DAB1: variants seen among roughly 807,000 people sequenced by gnomAD.
DAB1 encodes the protein disabled homolog 1.
Under a neutral mutation model 64.6 loss-of-function variants are expected in DAB1, and 15 were observed. The ratio of observed to expected loss-of-function variants is 0.23; its 90% confidence interval spans 0.16 to 0.36. The LOEUF (loss-of-function observed/expected upper bound fraction) is 0.36, where lower values mean the gene tolerates loss of function less well. DAB1 is among the 10% of genes least tolerant of loss of function. The pLI, the probability that DAB1 is intolerant of heterozygous loss-of-function variation, is 1.00. For missense variants in DAB1, 596 were observed against 706.7 expected (o/e 0.84, Z 1.78); for synonymous variants, 235 against 251.9 (o/e 0.93, Z 0.64).
intron 7 of DAB1, among the ~76,000 whole-genome samples, chr1:57,552,907 C>T (rs987674849): frequency 6.6e-6 from 1 of 152,056 alleles, no homozygotes; most frequent in Non-Finnish European, 1.5e-5. Context: ...GAAGACATTA[C>T]ATTATTGATG....
chr1:57,844,353 C>T (rs1653185026), intron 1 of DAB1, among the ~76,000 whole-genome samples: 2 of 152,156 alleles, frequency 1.3e-5, no homozygotes, highest in African/African-American at 4.8e-5. Context: ...AACCTATATG[C>T]ATGAATGAAT....
At chr1:57,147,538 T>C (rs1569585907) in intron 2 of DAB1, among the ~76,000 whole-genome samples, 2 of 152,174 alleles carry the variant, frequency 1.3e-5, no homozygotes, top group Non-Finnish European at 1.5e-5. Context: ...AGTCAGAAAC[T>C]ATAATCCGTA....
At chr1:58,538,851 A>T (rs1361665682) in intron 1 of DAB1, 2 of 869,938 alleles carry the variant, frequency 2.3e-6, no homozygotes, top group Non-Finnish European at 4.0e-6. Flanking sequence ...TCAACAAGAG[A>T]GGAACCGGAG....
chr1:57,002,817 G>A (rs1645919603), intron 14 of DAB1, among the ~76,000 whole-genome samples: 1 of 152,176 alleles, frequency 6.6e-6, no homozygotes, highest in African/African-American at 2.4e-5. Flanking sequence ...GCAGCCCTAG[G>A]ATTCTGTGCA....
chr1:57,044,207 C>T (rs746560669), intron 9 of DAB1, among the ~76,000 whole-genome samples: 1 of 152,226 alleles, frequency 6.6e-6, no homozygotes, highest in Non-Finnish European at 1.5e-5. Context: ...TTCAAGCACT[C>T]ACTGCTCTGT....
chr1:57,781,535 C>G (rs1237682455), intron 6 of DAB1, among the ~76,000 whole-genome samples: 5 of 152,010 alleles, frequency 3.3e-5, no homozygotes, highest in African/African-American at 7.2e-5. Context: ...AAAGTGGAGT[C>G]ATTCCCAATT....
At chr1:57,664,357 G>A (rs771652834) in intron 6 of DAB1, among the ~76,000 whole-genome samples, 4 of 152,124 alleles carry the variant, frequency 2.6e-5, no homozygotes, top group Non-Finnish European at 4.4e-5. Flanking sequence ...TCTTAGATTT[G>A]TAAATTGTGA....
intron 7 of DAB1, among the ~76,000 whole-genome samples, chr1:57,504,504 G>A (rs1261382232): frequency 6.6e-6 from 1 of 152,062 alleles, no homozygotes; most frequent in Non-Finnish European, 1.5e-5. Context: ...ATAACACAAA[G>A]TATAAAATAA....
At chr1:57,467,276 T>C (rs1686984488) in intron 7 of DAB1, among the ~76,000 whole-genome samples, 1 of 152,174 alleles carries the variant, frequency 6.6e-6, no homozygotes, top group South Asian at 2.1e-4. Flanking sequence ...ATGAAAAACA[T>C]TGATTTGATG....
Position 57,267,489 on chromosome 1 carries a change from C to G in DAB1, c.67+23475G>C, listed in dbSNP as rs1345059373. Among the ~76,000 whole-genome samples the G allele has an allele frequency of 3.3e-5, 5 of 152,118 alleles. No individual in the cohort carries two copies. The South Asian group carries it at 1.0e-3, about 32-fold the overall frequency. On this transcript the variant is annotated intron_variant, in intron 2 of 14. Transcript: ENST00000371236. Reference sequence around the variant, plus strand: ...CTAAGCTATGAGATTCAGATCTGAACCTGTCTTATGCCGAAGAAGACTTCA... The same window carrying G: ...CTAAGCTATGAGATTCAGATCTGAAGCTGTCTTATGCCGAAGAAGACTTCA...
At chr1:58,519,157 T>A (rs1034302496) in intron 2 of DAB1, among the ~76,000 whole-genome samples, 7 of 152,334 alleles carry the variant, frequency 4.6e-5, no homozygotes, top group African/African-American at 1.7e-4. Context: ...AGAGAATTTT[T>A]AAAAGTCTCC....
intron 7 of DAB1, among the ~76,000 whole-genome samples, chr1:57,563,786 G>C (rs948351291): frequency 3.3e-5 from 5 of 152,194 alleles, no homozygotes; most frequent in Non-Finnish European, 7.3e-5. Flanking sequence ...AAACGAAGCG[G>C]CCTGGAAGCT....
chr1:57,611,913 T>TCATA (rs1448085387), intron 7 of DAB1, among the ~76,000 whole-genome samples: 1 of 152,186 alleles, frequency 6.6e-6, no homozygotes, highest in East Asian at 1.9e-4. Flanking sequence ...ATACCTGACT[T>TCATA]CCTTCATAAG....
intron 2 of DAB1, chr1:58,506,268 C>A (rs11207245): frequency 0.25 from 196,682 of 772,614 alleles, 27,018 homozygotes; most frequent in African/African-American, 0.42. Context: ...TTTTTAAAAA[C>A]TACTACTTTA....
intron 3 of DAB1, among the ~76,000 whole-genome samples, chr1:58,445,940 G>A (rs1201119482): frequency 6.6e-6 from 1 of 152,078 alleles, no homozygotes; most frequent in East Asian, 1.9e-4. Context: ...AAGATTTTCA[G>A]ATGGCACTCC....
chr1:58,495,002 A>G (rs570604900), intron 3 of DAB1, among the ~76,000 whole-genome samples: 1 of 152,344 alleles, frequency 6.6e-6, no homozygotes, highest in Admixed American at 6.5e-5. Flanking sequence ...CACAATAGCA[A>G]AGACTTGGAA....
At chr1:58,456,875 G>A (rs1399573886) in intron 3 of DAB1, among the ~76,000 whole-genome samples, 2 of 152,066 alleles carry the variant, frequency 1.3e-5, no homozygotes, top group African/African-American at 2.4e-5. Context: ...AAACATTCCA[G>A]GTGATTTTAA....
chr1:57,037,542 G>A (rs1021121433), intron 9 of DAB1, among the ~76,000 whole-genome samples: 2 of 152,254 alleles, frequency 1.3e-5, no homozygotes, highest in Non-Finnish European at 2.9e-5. Context: ...AGGCTCAAGA[G>A]AAATGGATTA....
intron 5 of DAB1, among the ~76,000 whole-genome samples, chr1:58,093,956 T>A (rs1650835156): frequency 6.6e-6 from 1 of 152,162 alleles, no homozygotes; most frequent in Non-Finnish European, 1.5e-5. Flanking sequence ...AGGCTATGTG[T>A]TCCAGGCTCC....
Sources: gnomAD v4.1 joint callset for allele counts (sites outside exome capture counted in the v4.1 genomes callset) on GRCh38, gnomAD v4.1.1 for gene constraint, MANE v1.5 for transcripts, NCBI Gene and HGNC (gene_info 2026-07-23, HGNC 2026-07-21) for gene names.